Variants in ANKS1B observed in about 807,000 individuals in gnomAD.
The protein encoded by ANKS1B is ankyrin repeat and sterile alpha motif domain containing 1B.
Under a neutral mutation model 148.3 loss-of-function variants are expected in ANKS1B, and 36 were observed. The ratio of observed to expected loss-of-function variants is 0.24; its 90% CI spans 0.19 to 0.32. The LOEUF (loss-of-function observed/expected upper bound fraction) is 0.32, where lower values mean the gene tolerates loss of function less well. Ranked by LOEUF, ANKS1B falls within the 10% of genes least tolerant of loss-of-function variation. ANKS1B has a pLI of 1.00. For synonymous variants in ANKS1B, 542 were observed against 560.8 expected (o/e 0.97, Z 0.47); for missense variants, 1,157 against 1,542.6 (o/e 0.75, Z 4.19).
intron 9 of ANKS1B, among the ~76,000 whole-genome samples, chr12:99,506,029 C>T (rs1351431820): frequency 6.6e-6 from 1 of 151,932 alleles, no homozygotes; most frequent in Non-Finnish European, 1.5e-5. Context: ...TGGCTTGCTA[C>T]CACTGCTCAG....
At chr12:99,877,931 G>A (rs2092229837) in intron 1 of ANKS1B, among the ~76,000 whole-genome samples, 1 of 152,086 alleles carries the variant, frequency 6.6e-6, no homozygotes, top group Non-Finnish European at 1.5e-5. Context: ...TTGGTGGCTT[G>A]CTCCTGTAGT....
At chr12:99,410,186 T>C (rs1373166770) in intron 11 of ANKS1B, among the ~76,000 whole-genome samples, 1 of 152,228 alleles carries the variant, frequency 6.6e-6, no homozygotes, top group Non-Finnish European at 1.5e-5. Flanking sequence ...AACTCAAACT[T>C]CACTGTTTGA....
intron 8 of ANKS1B, among the ~76,000 whole-genome samples, chr12:99,763,828 T>A (rs2153611327): frequency 6.6e-6 from 1 of 152,306 alleles, no homozygotes; most frequent in South Asian, 2.1e-4. Flanking sequence ...GTATATGTTA[T>A]CAGGAATTAA....
chr12:99,181,447 T>C (rs1047610065), intron 14 of ANKS1B, among the ~76,000 whole-genome samples: 63 of 152,220 alleles, frequency 4.1e-4, no homozygotes, highest in African/African-American at 1.4e-3. Context: ...AGGTAAAAGA[T>C]TGTAAACAGC....
chr12:99,648,450 TG>T, intron 9 of ANKS1B: 1 of 1,614,160 alleles, frequency 6.2e-7, no homozygotes, highest in Non-Finnish European at 8.5e-7. Context: ...CCCGACCAGC[TG>T]CTGTCTGTGA....
At chr12:99,951,079 C>G (rs984640554) in intron 1 of ANKS1B, among the ~76,000 whole-genome samples, 1 of 152,206 alleles carries the variant, frequency 6.6e-6, no homozygotes, top group East Asian at 1.9e-4. Flanking sequence ...CTGTCCTCTA[C>G]CAGCCAGTGT....
chr12:99,372,927 T>G (rs1391457789), intron 12 of ANKS1B, among the ~76,000 whole-genome samples: 1 of 152,150 alleles, frequency 6.6e-6, no homozygotes, highest in Non-Finnish European at 1.5e-5. Flanking sequence ...TTCCCTGCCT[T>G]AATTCCCTAA....
intron 1 of ANKS1B, among the ~76,000 whole-genome samples, chr12:99,981,100 A>C (rs1246623797): frequency 1.3e-5 from 2 of 152,070 alleles, no homozygotes; most frequent in African/African-American, 4.8e-5. Flanking sequence ...AAGGCCTTAA[A>C]GAATACAGTC....
intron 16 of ANKS1B, among the ~76,000 whole-genome samples, chr12:99,075,996 A>AT (rs2047756524): frequency 6.6e-6 from 1 of 151,740 alleles, no homozygotes; most frequent in Admixed American, 6.6e-5. Flanking sequence ...ATAAAAATCA[A>AT]TTTTTCTCAT....
chr12:98,819,916 C>A (rs2099170496), intron 19 of ANKS1B, among the ~76,000 whole-genome samples: 2 of 152,264 alleles, frequency 1.3e-5, no homozygotes, highest in East Asian at 1.9e-4. Flanking sequence ...TATCATTTCA[C>A]AATGCTTTAC....
At chr12:99,394,685 CTA>C (rs1245388813) in intron 12 of ANKS1B, among the ~76,000 whole-genome samples, 3 of 152,200 alleles carry the variant, frequency 2.0e-5, no homozygotes, top group Non-Finnish European at 4.4e-5. Context: ...AGATTTCCTT[CTA>C]TCTCACAGGT....
chr12:98,757,276 T>C (rs931904700), intron 25 of ANKS1B, among the ~76,000 whole-genome samples: 3 of 152,126 alleles, frequency 2.0e-5, no homozygotes, highest in Non-Finnish European at 4.4e-5. Flanking sequence ...TGCCCCAGCA[T>C]CTCCAGCCAT....
intron 15 of ANKS1B, among the ~76,000 whole-genome samples, chr12:99,141,973 C>T (rs1283373234): frequency 6.6e-6 from 1 of 151,978 alleles, no homozygotes; most frequent in Non-Finnish European, 1.5e-5. Context: ...ATAACTTTCC[C>T]ATGGAGCAAG....
At chr12:99,462,602 G>C (rs2096000724) in intron 10 of ANKS1B, among the ~76,000 whole-genome samples, 1 of 152,082 alleles carries the variant, frequency 6.6e-6, no homozygotes, top group African/African-American at 2.4e-5. Context: ...TAACCAATTA[G>C]GTACTAATGA....
At chr12:99,465,494 T>A (rs1263231275) in intron 10 of ANKS1B, among the ~76,000 whole-genome samples, 1 of 152,060 alleles carries the variant, frequency 6.6e-6, no homozygotes, top group African/African-American at 2.4e-5. Flanking sequence ...AGACACAGAC[T>A]GGCAAATTGG....
At chr12:99,276,544 C>T (rs2077697447) in intron 12 of ANKS1B, among the ~76,000 whole-genome samples, 1 of 152,128 alleles carries the variant, frequency 6.6e-6, no homozygotes, top group Non-Finnish European at 1.5e-5. Context: ...TCTCTCTCAC[C>T]TATAAGGAGA....
chr12:99,183,120 A>G (rs1030885535), intron 14 of ANKS1B, among the ~76,000 whole-genome samples: 40 of 152,196 alleles, frequency 2.6e-4, no homozygotes, highest in Non-Finnish European at 2.8e-4. Context: ...GTTATTAATT[A>G]TATGAAATAT....
At chr12:99,168,238 TGG>T (rs2077388065) in intron 14 of ANKS1B, among the ~76,000 whole-genome samples, 1 of 152,192 alleles carries the variant, frequency 6.6e-6, no homozygotes, top group South Asian at 2.1e-4. Context: ...AAAGTTAAGC[TGG>T]GTGCAGTGGC....
At chr12:99,682,866 T>G (rs2098629208) in intron 8 of ANKS1B, among the ~76,000 whole-genome samples, 1 of 151,944 alleles carries the variant, frequency 6.6e-6, no homozygotes, top group African/African-American at 2.4e-5. Context: ...CATTAGTGAG[T>G]GTATTAGTCC....
Sources: gnomAD v4.1 joint callset for allele counts (sites outside exome capture counted in the v4.1 genomes callset) on GRCh38, gnomAD v4.1.1 for gene constraint, MANE v1.5 for transcripts, NCBI Gene and HGNC (gene_info 2026-07-23, HGNC 2026-07-21) for gene names.